MCFD2: variants seen among roughly 807,000 people sequenced by gnomAD.
MCFD2 encodes multiple coagulation factor deficiency protein 2.
A neutral mutation model predicts 12.8 loss-of-function variants in MCFD2; 11 were observed. That is an observed-to-expected ratio of 0.86 (90% confidence interval 0.54 to 1.42). MCFD2 has a LOEUF of 1.42. MCFD2 is among the 40% of genes most tolerant of loss of function. The pLI is 0.00. For missense variants in MCFD2, 191 were observed against 178.6 expected (o/e 1.07, Z -0.40); for synonymous variants, 70 against 68.1 (o/e 1.03, Z -0.14).
Position 46,926,716 on chromosome 2 carries a change from A to G in MCFD2, c.-8+14856T>C, listed in dbSNP as rs114056277. 4.2e-3 allele frequency among the ~76,000 whole-genome samples: 644 copies of G among 152,334 alleles called. 3 individuals are homozygous for G. Among genetic ancestry groups the G allele is most frequent in the African/African-American group, 0.015 (617 of 41,584 alleles). On this transcript the variant is annotated intron_variant, in intron 1 of 2. Coordinates refer to the MCFD2 transcript ENST00000409147. ...TTTCTACAATAATTTTTCAAATGCA[A>G]TGTCCTACACAATTAAAGACAACTA... is the stretch of plus-strand genomic sequence containing the variant.
At chr2:46,936,549 C>A (rs1412215118) in intron 1 of MCFD2, among the ~76,000 whole-genome samples, 3 of 152,200 alleles carry the variant, frequency 2.0e-5, no homozygotes, top group African/African-American at 7.2e-5. Flanking sequence ...GATACACAAG[C>A]AACTGTCAGC....
At chr2:46,920,869 G>A (rs1301807289) in intron 1 of MCFD2, among the ~76,000 whole-genome samples, 1 of 151,480 alleles carries the variant, frequency 6.6e-6, no homozygotes, top group Non-Finnish European at 1.5e-5. Flanking sequence ...CAAAACTTCA[G>A]AGTTATTTTC....
chr2:46,911,722 C>A (rs1668494507), intron 1 of MCFD2, among the ~76,000 whole-genome samples: 1 of 150,774 alleles, frequency 6.6e-6, no homozygotes, highest in Admixed American at 6.6e-5. Context: ...GAGATCGAGA[C>A]CACCCTGGCT....
chr2:46,929,734 G>A (rs1282901972), intron 1 of MCFD2, among the ~76,000 whole-genome samples: 2 of 152,148 alleles, frequency 1.3e-5, no homozygotes, highest in Admixed American at 6.5e-5. Context: ...AGAAAAATAA[G>A]ATATGGGATG....
Position 46,908,326 on chromosome 2 carries a change from T to C in MCFD2, c.150-357A>G. ...CCCAGGCTGGAGTGCAGGAGCGTGA[T>C]CTTGGCTCATTGTAGCCTCAACTTC... On this transcript the variant is annotated intron_variant, in intron 2 of 3. Transcript: ENST00000319466. The surrounding 1 kb of genome is among the most constrained non-coding windows in gnomAD (Gnocchi z 4.5). The C allele has an allele frequency of 2.9e-6, 1 of 340,060 alleles. No individual in the cohort carries two copies. Among genetic ancestry groups the C allele is most frequent in the Non-Finnish European group, 5.6e-6 (1 of 177,518 alleles). 21.1% of individuals were successfully genotyped at this position (340,060 alleles called of 1,614,324 possible). A position where few individuals can be genotyped will look rare whatever the true frequency, so the allele number is the denominator to read the frequency against.
upstream of MCFD2, among the ~76,000 whole-genome samples, chr2:46,918,002 G>T (rs1668904175): frequency 6.6e-6 from 1 of 152,104 alleles, no homozygotes; most frequent in Non-Finnish European, 1.5e-5. Context: ...AGTTTACCTA[G>T]TCCTGTGCTT....
At position 46,908,162 on chromosome 2, in the gene MCFD2, C is replaced by A; in HGVS notation, c.150-193G>T. ...AGAGGAGCAGGAAAAGTCAAATAGACCATCTGTTATGCTGGCAGGATTAGG... is the reference window on the plus strand; with the variant it reads ...AGAGGAGCAGGAAAAGTCAAATAGAACATCTGTTATGCTGGCAGGATTAGG... On this transcript the variant is annotated intron_variant, in intron 2 of 3. Coordinates refer to ENST00000319466, the MANE Select transcript of MCFD2 (RefSeq NM_139279.6). The surrounding 1 kb of genome is among the most constrained non-coding windows in gnomAD (Gnocchi z 4.5). The A allele has an allele frequency of 1.5e-6, 1 of 654,080 alleles. No homozygotes were observed. Among genetic ancestry groups the A allele is most frequent in the Admixed American group, 2.3e-5 (1 of 43,492 alleles). The allele number at this position is 654,080 out of a possible 1,614,324, so 40.5% of individuals were successfully genotyped here. A position where few individuals can be genotyped will look rare whatever the true frequency, so the allele number is the denominator to read the frequency against.
intron 1 of MCFD2, among the ~76,000 whole-genome samples, chr2:46,923,506 C>T (rs1436546860): frequency 6.6e-6 from 1 of 152,154 alleles, no homozygotes; most frequent in African/African-American, 2.4e-5. Context: ...AAGGTATAGG[C>T]CTTGGAGAGT....
intron 1 of MCFD2, among the ~76,000 whole-genome samples, chr2:46,924,309 T>G (rs1558474805): frequency 6.6e-6 from 1 of 151,884 alleles, no homozygotes; most frequent in African/African-American, 2.4e-5. Flanking sequence ...TGGTATCAGC[T>G]CATCAACATT....
upstream of MCFD2, chr2:46,915,960 G>A (rs1024628156): frequency 1.0e-6 from 1 of 985,444 alleles, no homozygotes; most frequent in Non-Finnish European, 1.2e-6. Context: ...AGCACTGGCG[G>A]GACTGACGCA....
At chr2:46,921,934 C>G (rs916024861) in intron 1 of MCFD2, among the ~76,000 whole-genome samples, 2 of 152,232 alleles carry the variant, frequency 1.3e-5, no homozygotes, top group African/African-American at 4.8e-5. Context: ...TGCTCACTTC[C>G]TGCTGTGCAG....
intron 1 of MCFD2, among the ~76,000 whole-genome samples, chr2:46,922,390 A>C (rs1669151809): frequency 6.6e-6 from 1 of 152,172 alleles, no homozygotes; most frequent in Non-Finnish European, 1.5e-5. Context: ...TGTTTCCTCA[A>C]AGAGCTTTGA....
intron 1 of MCFD2, among the ~76,000 whole-genome samples, chr2:46,935,157 G>C (rs1669913435): frequency 6.6e-6 from 1 of 152,036 alleles, no homozygotes; most frequent in African/African-American, 2.4e-5. Flanking sequence ...GAGAAGCGTT[G>C]GTCACTAGAT....
At position 46,909,099 on chromosome 2, in the gene MCFD2, T is replaced by TGGCG; in HGVS notation, c.69_72dup (p.Ala26GlnfsTer3). The stretch of plus-strand genomic sequence containing the variant: ...AAGCTGGCTGCAGGCTCCTCAGCCC[T>TGGCG]GGCGCCTGGGGCACAAAAGGCCCAG... On this transcript the variant is annotated frameshift_variant, in exon 2 of 4. Coordinates refer to ENST00000319466, the MANE Select transcript of MCFD2 (RefSeq NM_139279.6). LOFTEE classifies it high-confidence loss of function. 6.2e-7 allele frequency: 1 copy of TGGCG among 1,614,184 alleles called. No individual in the cohort carries two copies. Among genetic ancestry groups the TGGCG allele is most frequent in the Non-Finnish European group, 8.5e-7 (1 of 1,180,022 alleles).
At chr2:46,920,304 T>C (rs1434699076), upstream of MCFD2, among the ~76,000 whole-genome samples, 1 of 152,146 alleles carries the variant, frequency 6.6e-6, no homozygotes, top group African/African-American at 2.4e-5. Flanking sequence ...TGACATTAGT[T>C]ATTCTAGATA....
Position 46,940,220 on chromosome 2 carries a change from G to C in MCFD2, c.-8+1352C>G, listed in dbSNP as rs952991491. ...ACTTAGGGCAGTGGTGAAGACTCCA[G>C]AGGGAGGACGTGGAGCACCTTCTAA... On this transcript the variant is annotated intron_variant, in intron 1 of 2. Transcript: ENST00000409147. This position sits in a 1 kb window ranked among gnomAD's most constrained non-coding sequence, Gnocchi z 4.7. 6.6e-6 allele frequency among the ~76,000 whole-genome samples: 1 copy of C among 152,168 alleles called. No homozygotes were observed. Among genetic ancestry groups the C allele is most frequent in the African/African-American group, 2.4e-5 (1 of 41,434 alleles).
At chr2:46,932,153 CT>C (rs1173541336) in intron 1 of MCFD2, among the ~76,000 whole-genome samples, 7,493 of 143,770 alleles carry the variant, frequency 0.052, 171 homozygotes, top group African/African-American at 0.059. Flanking sequence ...TTCTGGGATT[CT>C]TTTTTTTTTT....
In MCFD2 at chr2:46,908,131, G is replaced by GCACACATT. The variant is rs1668324147; in HGVS notation, c.150-163_150-162insAATGTGTG. On this transcript the variant is annotated intron_variant, in intron 2 of 3. Coordinates refer to ENST00000319466, the MANE Select transcript of MCFD2 (RefSeq NM_139279.6). This position sits in a 1 kb window ranked among gnomAD's most constrained non-coding sequence, Gnocchi z 4.5. ...CAAGGATTACACAGAGATAGACAAG[G>GCACACATT]CCTTGAGAGGAGCAGGAAAAGTCAA... 2.7e-6 allele frequency: 2 copies of GCACACATT among 748,396 alleles called. No individual in the cohort carries two copies. Among genetic ancestry groups the GCACACATT allele is most frequent in the Non-Finnish European group, 4.6e-6 (2 of 435,814 alleles). The allele number at this position is 748,396 out of a possible 1,614,324, so 46.4% of individuals were successfully genotyped here.
chr2:46,907,684 A>G lies in MCFD2; in HGVS notation c.309+126T>C, dbSNP rs1310148695. 8 of 1,056,588 alleles carry G rather than the reference A, an allele frequency of 7.6e-6. No homozygotes were observed. Among genetic ancestry groups the G allele is most frequent in the Non-Finnish European group, 1.4e-6 (1 of 693,336 alleles). The allele number at this position is 1,056,588 out of a possible 1,614,324, so 65.5% of individuals were successfully genotyped here. A position where few individuals can be genotyped will look rare whatever the true frequency, so the allele number is the denominator to read the frequency against. On this transcript the variant is annotated intron_variant, in intron 3 of 3. Coordinates refer to ENST00000319466, the MANE Select transcript of MCFD2 (RefSeq NM_139279.6). The surrounding 1 kb of genome is among the most constrained non-coding windows in gnomAD (Gnocchi z 4.1). ...AGTGCTGGGATTACAGATGCGAGCC[A>G]TCATGCCCAGTGGAGAAGCAGCACT...
Sources: gnomAD v4.1 joint callset for allele counts (sites outside exome capture counted in the v4.1 genomes callset) on GRCh38, gnomAD v4.1.1 for gene constraint, Gnocchi (gnomAD v3.1) non-coding constraint, MANE v1.5 for transcripts, NCBI Gene and HGNC (gene_info 2026-07-23, HGNC 2026-07-21) for gene names.